ATP2B2: variants seen among roughly 807,000 people sequenced by gnomAD.
ATP2B2 encodes the protein ATPase plasma membrane Ca2+ transporting 2, also known as plasma membrane calcium-transporting ATPase 2.
A neutral mutation model predicts 120.0 loss-of-function variants in ATP2B2; 15 were observed. The observed-to-expected ratio is 0.12, with a 90% CI of 0.08 to 0.19. The LOEUF is 0.19. ATP2B2 is among the 10% of genes least tolerant of loss of function. The pLI is 1.00. For missense variants in ATP2B2, 1,045 were observed against 1,719.8 expected, an observed-to-expected ratio of 0.61 and a Z score of 6.94; for synonymous variants, 694 against 700.3, an observed-to-expected ratio of 0.99 and a Z score of 0.14.
intron 1 of ATP2B2, among the ~76,000 whole-genome samples, chr3:10,470,010 G>A (rs546732810): frequency 6.6e-6 from 1 of 152,182 alleles, no homozygotes; most frequent in Admixed American, 6.5e-5. Flanking sequence ...CAGCCCCCGT[G>A]GGGGCTGCTT....
At position 10,343,047 on chromosome 3, in the gene ATP2B2, C is replaced by T. The variant is rs1036556705; in HGVS notation, c.2704-82G>A. ...CTGGGCGGGCTCATGGTGTAGTGTC[C>T]GCAGGCTCCTGCTGGAGGCTGGAGT... On this transcript the variant is annotated intron_variant, in intron 18 of 22. Coordinates refer to ENST00000360273, the MANE Select transcript of ATP2B2 (RefSeq NM_001001331.4). The surrounding 1 kb of genome is among the most constrained non-coding windows in gnomAD (Gnocchi z 4.2). 26 of 1,456,072 alleles carry T rather than the reference C, an allele frequency of 1.8e-5. No individual in the cohort carries two copies. The highest frequency in any genetic ancestry group is 1.6e-4 in the East Asian group (7 of 43,840). The allele number at this position is 1,456,072 out of a possible 1,614,324, so 90.2% of individuals were successfully genotyped here. A position where few individuals can be genotyped will look rare whatever the true frequency, so the allele number is the denominator to read the frequency against.
chr3:10,505,951 G>T (rs2066612589), upstream of ATP2B2, among the ~76,000 whole-genome samples: 1 of 152,120 alleles, frequency 6.6e-6, no homozygotes, highest in South Asian at 2.1e-4. Context: ...GGTAGGGCTG[G>T]GCTGTGCTGG....
chr3:10,455,265 C>G (rs2064211434), intron 1 of ATP2B2, among the ~76,000 whole-genome samples: 1 of 152,182 alleles, frequency 6.6e-6, no homozygotes, highest in African/African-American at 2.4e-5. Context: ...CTGCCCTCCA[C>G]TGCCCAGTTT....
At chr3:10,417,362 G>C (rs1006689068) in intron 2 of ATP2B2, among the ~76,000 whole-genome samples, 4 of 152,262 alleles carry the variant, frequency 2.6e-5, no homozygotes, top group Non-Finnish European at 2.9e-5. Context: ...CAGCAGCCGG[G>C]CAGAGGCGCT....
chr3:10,420,565 T>C (rs563943458), intron 2 of ATP2B2, among the ~76,000 whole-genome samples: 53 of 152,328 alleles, frequency 3.5e-4, no homozygotes, highest in African/African-American at 1.3e-3. Context: ...TTTCACCATG[T>C]TGGCCATGCT....
Position 10,444,692 on chromosome 3 carries a change from C to T in ATP2B2, c.199+4653G>A, listed in dbSNP as rs749730946. 3.7e-4 allele frequency among the ~76,000 whole-genome samples: 57 copies of T among 152,134 alleles called. 1 individual carries two copies. The highest frequency in any genetic ancestry group is 1.0e-4 in the Non-Finnish European group (7 of 68,034). ...ATCATCGTCACCCTTTCTGACAACC[C>T]GAGGTGGGTGCAGGTGTCAGGAAGT... On this transcript the variant is annotated intron_variant, in intron 2 of 22. Transcript: ENST00000360273.
intron 1 of ATP2B2, among the ~76,000 whole-genome samples, chr3:10,495,087 G>A (rs887498103): frequency 1.3e-5 from 2 of 152,218 alleles, no homozygotes; most frequent in African/African-American, 4.8e-5. Context: ...TAAAGACCAA[G>A]GACATGGTCA....
At chr3:10,388,152 G>A in intron 6 of ATP2B2, 125 bp downstream of exon 6, 2 of 1,404,998 alleles carry the variant, frequency 1.4e-6, no homozygotes, top group Non-Finnish European at 2.0e-6. Flanking sequence ...TGCAGGAGGT[G>A]GCTGTCAGCA....
In ATP2B2 at chr3:10,611,944, C is replaced by T. The variant is rs115958216; in HGVS notation, c.-415+7973G>A. 7.3e-3 allele frequency among the ~76,000 whole-genome samples: 1,108 copies of T among 152,296 alleles called. 14 individuals carry two copies. Among genetic ancestry groups the T allele is most frequent in the African/African-American group, 0.023 (972 of 41,562 alleles). On this transcript the variant is annotated intron_variant, in intron 2 of 21. Coordinates refer to the ATP2B2 transcript ENST00000646379. ...TCAACAGAAATAGCTATGGTTGTTA[C>T]GCCTATCCTGATTACCCCAGTTAGA...
upstream of ATP2B2, chr3:10,505,649 C>T (rs2066598436): frequency 6.9e-6 from 1 of 145,640 alleles, no homozygotes; most frequent in South Asian, 2.3e-4. Context: ...TCTAGGAGAG[C>T]ATCTCGCCGG....
At chr3:10,560,546 C>T (rs894035890) in intron 2 of ATP2B2, among the ~76,000 whole-genome samples, 2 of 152,316 alleles carry the variant, frequency 1.3e-5, no homozygotes, top group East Asian at 1.9e-4. Flanking sequence ...TGGAATATGG[C>T]CCCACAGCTG....
intron 1 of ATP2B2, among the ~76,000 whole-genome samples, chr3:10,462,122 G>A (rs2064517849): frequency 6.6e-6 from 1 of 152,082 alleles, no homozygotes; most frequent in Non-Finnish European, 1.5e-5. Context: ...ACCCTAACAT[G>A]GGTGGTTCCC....
chr3:10,679,438 A>T (rs2071328831), intron 1 of ATP2B2, among the ~76,000 whole-genome samples: 2 of 152,190 alleles, frequency 1.3e-5, no homozygotes, highest in East Asian at 3.9e-4. Context: ...AGGTCTGTTC[A>T]GTACGAATGT....
In ATP2B2 at chr3:10,327,409, T is replaced by C. The variant is rs1203741565; in HGVS notation, c.*1405A>G. 6.6e-6 allele frequency: 1 copy of C among 152,572 alleles called. No individual in the cohort carries two copies. Among genetic ancestry groups the C allele is most frequent in the Admixed American group, 6.5e-5 (1 of 15,268 alleles). The allele number at this position is 152,572 out of a possible 1,614,324, so 9.5% of individuals were successfully genotyped here. A position where few individuals can be genotyped will look rare whatever the true frequency, so the allele number is the denominator to read the frequency against. ...ATCATAAGGTTCATTCGGATCTAAA[T>C]AGTGCAGAGAAAAAGGCTATTCTTC... On this transcript the variant is annotated 3_prime_UTR_variant, in exon 23 of 23. Transcript: ENST00000360273.
intron 2 of ATP2B2, among the ~76,000 whole-genome samples, chr3:10,614,665 T>C (rs2069335051): frequency 6.6e-6 from 1 of 151,996 alleles, no homozygotes; most frequent in Non-Finnish European, 1.5e-5. Context: ...GTCTGTAGAG[T>C]GGGGATAATG....
intron 2 of ATP2B2, among the ~76,000 whole-genome samples, chr3:10,434,988 G>A (rs1282539311): frequency 6.6e-6 from 1 of 152,226 alleles, no homozygotes; most frequent in Non-Finnish European, 1.5e-5. Flanking sequence ...AGCATCCTGT[G>A]CCCTCTATGG....
intron 1 of ATP2B2, among the ~76,000 whole-genome samples, chr3:10,697,789 C>T (rs2071761815): frequency 6.6e-6 from 1 of 152,190 alleles, no homozygotes; most frequent in South Asian, 2.1e-4. Context: ...TGCAGCAAAT[C>T]CTAAATCTCA....
intron 3 of ATP2B2, among the ~76,000 whole-genome samples, chr3:10,407,339 G>A (rs184212891): frequency 6.6e-6 from 1 of 152,338 alleles, no homozygotes; most frequent in African/African-American, 2.4e-5. Context: ...GCCGGTGGTG[G>A]AAGTCGTCCA....
chr3:10,594,724 A>ATAATAATAATAG (rs1166778312), intron 2 of ATP2B2, among the ~76,000 whole-genome samples: 1 of 151,094 alleles, frequency 6.6e-6, no homozygotes, highest in East Asian at 1.9e-4. Context: ...AATAATAATA[A>ATAATAATAATAG]TAATAATAAT....
Sources: gnomAD v4.1 joint callset for allele counts (sites outside exome capture counted in the v4.1 genomes callset) on GRCh38, gnomAD v4.1.1 for gene constraint, Gnocchi (gnomAD v3.1) non-coding constraint, MANE v1.5 for transcripts, NCBI Gene and HGNC (gene_info 2026-07-23, HGNC 2026-07-21) for gene names.